The following JAKMIP1 variants were observed in gnomAD, a reference collection of about 807,000 sequenced individuals.
JAKMIP1 encodes the protein janus kinase and microtubule interacting protein 1.
A neutral mutation model predicts 113.0 loss-of-function variants in JAKMIP1; 33 were observed. The observed-to-expected ratio is 0.29, with a 90% CI of 0.22 to 0.39. The LOEUF is 0.39. Ranked by LOEUF, JAKMIP1 falls within the 10% of genes least tolerant of loss-of-function variation. The pLI, the probability that JAKMIP1 is intolerant of heterozygous loss-of-function variation, is 1.00. For synonymous variants in JAKMIP1, 480 were observed against 459.9 expected (o/e 1.04, Z -0.56); for missense variants, 813 against 1,080.5 (o/e 0.75, Z 3.47).
intron 1 of JAKMIP1, among the ~76,000 whole-genome samples, chr4:6,169,685 T>C (rs1010843219): frequency 6.6e-6 from 1 of 150,996 alleles, no homozygotes; most frequent in African/African-American, 2.4e-5. Flanking sequence ...GAATCACACC[T>C]AGGGTAACCC....
intron 20 of JAKMIP1, among the ~76,000 whole-genome samples, chr4:6,027,059 T>C (rs1266115798): frequency 2.0e-5 from 3 of 151,334 alleles, no homozygotes; most frequent in African/African-American, 7.3e-5. Flanking sequence ...ATTTGATTAG[T>C]CTACTTATAC....
intron 3 of JAKMIP1, among the ~76,000 whole-genome samples, chr4:6,096,271 G>C (rs73073476): frequency 6.6e-6 from 1 of 152,152 alleles, no homozygotes; most frequent in African/African-American, 2.4e-5. Context: ...TTTCATGACC[G>C]GTGAGGTTAA....
rs1239779691 is a variant in JAKMIP1, at chr4:6,139,073, CACACACACACAT to C, written c.-147-26088_-147-26077del. On this transcript the variant is annotated intron_variant, in intron 1 of 20. Transcript: ENST00000409021. This position sits in a 1 kb window ranked among gnomAD's most constrained non-coding sequence, Gnocchi z 5.2. ...CATTAGAAACACACACACACACACA[CACACACACACAT>C]ATACACACACACACACACACCAGCA... Among the ~76,000 whole-genome samples the C allele has an allele frequency of 9.5e-5, 14 of 147,632 alleles. No homozygotes were observed. The highest frequency in any genetic ancestry group is 2.1e-4 in the South Asian group (1 of 4,776).
intron 3 of JAKMIP1, among the ~76,000 whole-genome samples, chr4:6,087,152 T>C (rs1454597949): frequency 6.6e-6 from 1 of 152,228 alleles, no homozygotes; most frequent in African/African-American, 2.4e-5. Context: ...TCCAAAGCTC[T>C]TACTTCTAAA....
Position 6,029,702 on chromosome 4 carries a change from C to T in JAKMIP1, c.2445+14G>A, listed in dbSNP as rs1213519727. On this transcript the variant is annotated intron_variant, in intron 20 of 20. Coordinates refer to ENST00000409021, the MANE Select transcript of JAKMIP1 (RefSeq NM_001099433.2). ...GAAAGAAACCTGGGGACAGTCTGAG[C>T]TGCAGTCACCTACCTTTTCCTCCAG... is the stretch of plus-strand genomic sequence containing the variant. 3.2e-6 allele frequency: 5 copies of T among 1,572,910 alleles called. No homozygotes were observed. Among genetic ancestry groups the T allele is most frequent in the Non-Finnish European group, 4.3e-6 (5 of 1,149,906 alleles).
In JAKMIP1 at chr4:6,153,018, A is replaced by G. The variant is rs1721796798; in HGVS notation, c.-147-40021T>C. 6.6e-6 allele frequency among the ~76,000 whole-genome samples: 1 copy of G among 151,728 alleles called. No individual in the cohort carries two copies. Among genetic ancestry groups the G allele is most frequent in the Non-Finnish European group, 1.5e-5 (1 of 67,934 alleles). On this transcript the variant is annotated intron_variant, in intron 1 of 20. Coordinates refer to ENST00000409021, the MANE Select transcript of JAKMIP1 (RefSeq NM_001099433.2). The surrounding 1 kb of genome is among the most constrained non-coding windows in gnomAD (Gnocchi z 4.9). ...CATCCCTTAGCCCCAATTCTAGGAA[A>G]CCCACATCACCTTCCTGTTAACCTG...
At chr4:6,085,728 G>A in intron 3 of JAKMIP1, 99 bp from the exon 4 acceptor site, 4 of 1,076,980 alleles carry the variant, frequency 3.7e-6, no homozygotes, top group Non-Finnish European at 5.5e-6. Context: ...GGTCAAAGCA[G>A]TGTCTCGGGC....
chr4:6,157,803 T>C lies in JAKMIP1; in HGVS notation c.-148+42450A>G, dbSNP rs574089540. On this transcript the variant is annotated intron_variant, in intron 1 of 20. Transcript: ENST00000409021. This position sits in a 1 kb window ranked among gnomAD's most constrained non-coding sequence, Gnocchi z 4.7. ...CCAGTAGGGTGTGAGTGAGGGACCG[T>C]AGAGTCGAGAATTCTGATGAAAAAA... Among the ~76,000 whole-genome samples, 1 of 152,322 alleles carries C rather than the reference T, an allele frequency of 6.6e-6. No homozygotes were observed. The highest frequency in any genetic ancestry group is 2.4e-5 in the African/African-American group (1 of 41,552).
chr4:6,135,071 G>A lies in JAKMIP1; in HGVS notation c.-147-22074C>T, dbSNP rs116586447. Among the ~76,000 whole-genome samples, 1 of 152,122 alleles carries A rather than the reference G, an allele frequency of 6.6e-6. No homozygotes were observed. The highest frequency in any genetic ancestry group is 2.1e-4 in the South Asian group (1 of 4,830). On this transcript the variant is annotated intron_variant, in intron 1 of 20. Transcript: ENST00000409021. The surrounding 1 kb of genome is among the most constrained non-coding windows in gnomAD (Gnocchi z 4.9). ...TCTGGTCTGGTATCGTTGGGGCAGA[G>A]CTGCTCAGTCTCCATGGGGGCCACT...
At chr4:6,151,396 A>G (rs1216889832) in intron 1 of JAKMIP1, among the ~76,000 whole-genome samples, 1 of 152,078 alleles carries the variant, frequency 6.6e-6, no homozygotes, top group Non-Finnish European at 1.5e-5. Flanking sequence ...TGCACCACAA[A>G]ATACTGCCTC....
chr4:6,043,697 C>A (rs1714639780), intron 16 of JAKMIP1, among the ~76,000 whole-genome samples: 1 of 151,508 alleles, frequency 6.6e-6, no homozygotes, highest in African/African-American at 2.4e-5. Context: ...CCCCCATTCC[C>A]CTTTCAGCCC....
Position 6,137,429 on chromosome 4 carries a change from G to A in JAKMIP1, c.-147-24432C>T, listed in dbSNP as rs1053074720. Among the ~76,000 whole-genome samples, 7 of 152,260 alleles carry A rather than the reference G, an allele frequency of 4.6e-5. No homozygotes were observed. Among genetic ancestry groups the A allele is most frequent in the African/African-American group, 9.6e-5 (4 of 41,552 alleles). On this transcript the variant is annotated intron_variant, in intron 1 of 20. Coordinates refer to ENST00000409021, the MANE Select transcript of JAKMIP1 (RefSeq NM_001099433.2). This position sits in a 1 kb window ranked among gnomAD's most constrained non-coding sequence, Gnocchi z 4.5. ...CTCTGGCCCATGGAACCTTAATCACGTCACACCTGATACAGTTCCTGAAAA... is the reference window on the plus strand; with the variant it reads ...CTCTGGCCCATGGAACCTTAATCACATCACACCTGATACAGTTCCTGAAAA...
chr4:6,048,996 A>T, intron 15 of JAKMIP1, 74 bp from the exon 16 acceptor site: 1 of 1,134,366 alleles, frequency 8.8e-7, no homozygotes, highest in South Asian at 1.3e-5. Flanking sequence ...GCACCAAGCA[A>T]GTTTTTTTTT....
intron 1 of JAKMIP1, among the ~76,000 whole-genome samples, chr4:6,147,670 G>C (rs147299702): frequency 4.0e-5 from 6 of 151,864 alleles, no homozygotes; most frequent in Non-Finnish European, 8.8e-5. Context: ...CTCCCCCACC[G>C]GGTCCACACC....
chr4:6,174,999 T>C (rs1725170012), intron 1 of JAKMIP1, among the ~76,000 whole-genome samples: 1 of 152,232 alleles, frequency 6.6e-6, no homozygotes, highest in African/African-American at 2.4e-5. Flanking sequence ...CAGTAAAACG[T>C]ATCCACAGGC....
rs1207408232 is a variant in JAKMIP1, at chr4:6,108,079, C to A, written c.130-2112G>T. Among the ~76,000 whole-genome samples the A allele has an allele frequency of 6.6e-6, 1 of 152,076 alleles. No individual in the cohort carries two copies. Among genetic ancestry groups the A allele is most frequent in the African/African-American group, 2.4e-5 (1 of 41,418 alleles). ...TCTAGGGGCTGCTTCCTGGGAGGGG[C>A]AGAGGTGCTGCTGAGGCTGGTGATC... On this transcript the variant is annotated intron_variant, in intron 2 of 20. Transcript: ENST00000409021. The surrounding 1 kb of genome is among the most constrained non-coding windows in gnomAD (Gnocchi z 5.6).
chr4:6,092,173 C>A (rs1263264151), intron 3 of JAKMIP1, among the ~76,000 whole-genome samples: 7 of 152,184 alleles, frequency 4.6e-5, no homozygotes, highest in Non-Finnish European at 1.0e-4. Flanking sequence ...CCCCCTCCCT[C>A]CCAGCCGTCC....
intron 10 of JAKMIP1, 36 bp from the exon 11 acceptor site, chr4:6,060,543 C>G: frequency 1.3e-6 from 2 of 1,492,528 alleles, no homozygotes; most frequent in South Asian, 1.1e-5. Context: ...AGCAGGTCAC[C>G]TCCAATGGGT....
rs1365691623 is a variant in JAKMIP1, at chr4:6,108,457, G to A, written c.130-2490C>T. Among the ~76,000 whole-genome samples, 1 of 152,150 alleles carries A rather than the reference G, an allele frequency of 6.6e-6. No homozygotes were observed. The highest frequency in any genetic ancestry group is 1.5e-5 in the Non-Finnish European group (1 of 68,022). Reference sequence around the variant, plus strand: ...AGAGGGAGCATGCCCTGGGGGTGTGGGGGCTGGCGTGGAGAAATTATCTGA... The same window carrying A: ...AGAGGGAGCATGCCCTGGGGGTGTGAGGGCTGGCGTGGAGAAATTATCTGA... On this transcript the variant is annotated intron_variant, in intron 2 of 20. Coordinates refer to ENST00000409021, the MANE Select transcript of JAKMIP1 (RefSeq NM_001099433.2). This position sits in a 1 kb window ranked among gnomAD's most constrained non-coding sequence, Gnocchi z 5.6.
Sources: gnomAD v4.1 joint callset for allele counts (sites outside exome capture counted in the v4.1 genomes callset) on GRCh38, gnomAD v4.1.1 for gene constraint, Gnocchi (gnomAD v3.1) non-coding constraint, MANE v1.5 for transcripts, NCBI Gene and HGNC (gene_info 2026-07-23, HGNC 2026-07-21) for gene names.